Variants in OSBPL10 observed in about 807,000 individuals in gnomAD.
The protein encoded by OSBPL10 is oxysterol-binding protein-related protein 10.
Under a neutral mutation model 81.7 loss-of-function variants are expected in OSBPL10, and 49 were observed. The observed-to-expected ratio is 0.60, with a 90% CI of 0.48 to 0.76. The LOEUF is 0.76. OSBPL10 is among the 30% of genes least tolerant of loss of function. OSBPL10 has a pLI of 0.00. For synonymous variants in OSBPL10, 419 were observed against 383.6 expected, an observed-to-expected ratio of 1.09 and a Z score of -1.08; for missense variants, 923 against 987.8, an observed-to-expected ratio of 0.93 and a Z score of 0.88.
chr3:31,937,353 C>A (rs1249278585), intron 1 of OSBPL10, among the ~76,000 whole-genome samples: 1 of 152,000 alleles, frequency 6.6e-6, no homozygotes, highest in Non-Finnish European at 1.5e-5. Context: ...TTCTTGCCAA[C>A]TCTTGGTTAT....
intron 1 of OSBPL10, among the ~76,000 whole-genome samples, chr3:31,896,853 G>A (rs1311680668): frequency 6.6e-6 from 1 of 152,172 alleles, no homozygotes; most frequent in African/African-American, 2.4e-5. Context: ...CTTGGAGGGA[G>A]GGGAGGAAAG....
At chr3:31,839,750 A>G (rs1203435797) in intron 3 of OSBPL10, among the ~76,000 whole-genome samples, 1 of 151,532 alleles carries the variant, frequency 6.6e-6, no homozygotes, top group African/African-American at 2.4e-5. Flanking sequence ...AGCAAAGCAT[A>G]GAGCAATATG....
At chr3:31,716,948 C>G (rs911912854) in intron 6 of OSBPL10, 1 of 152,146 alleles carries the variant, frequency 6.6e-6, no homozygotes, top group African/African-American at 2.4e-5. Context: ...AAATAACACT[C>G]TCCAATGGAA....
At chr3:31,993,455 G>A (rs1420158211) in intron 2 of OSBPL10, among the ~76,000 whole-genome samples, 4 of 151,898 alleles carry the variant, frequency 2.6e-5, no homozygotes, top group South Asian at 2.1e-4. Flanking sequence ...TGATCCACCC[G>A]CCTCGGCCTC....
At chr3:31,863,263 G>A (rs1387860170) in intron 3 of OSBPL10, among the ~76,000 whole-genome samples, 1 of 152,148 alleles carries the variant, frequency 6.6e-6, no homozygotes, top group Admixed American at 6.6e-5. Context: ...TGGGAAGACA[G>A]GGTGGATAGA....
intron 2 of OSBPL10, among the ~76,000 whole-genome samples, chr3:32,017,192 G>A (rs970679030): frequency 6.6e-6 from 1 of 152,126 alleles, no homozygotes; most frequent in African/African-American, 2.4e-5. Flanking sequence ...TGAGCTTCTG[G>A]AAACGCTACG....
chr3:31,952,767 C>A (rs892221894), intron 1 of OSBPL10, among the ~76,000 whole-genome samples: 3 of 152,030 alleles, frequency 2.0e-5, no homozygotes, highest in African/African-American at 7.2e-5. Flanking sequence ...ACCTGCCCGC[C>A]TTGTGTGGTT....
At chr3:31,855,866 G>C (rs1360652987) in intron 3 of OSBPL10, among the ~76,000 whole-genome samples, 1 of 151,970 alleles carries the variant, frequency 6.6e-6, no homozygotes, top group African/African-American at 2.4e-5. Context: ...TTCTCACAGA[G>C]GGCTAGCGAT....
chr3:31,702,797 A>G (rs1384235923), intron 6 of OSBPL10, among the ~76,000 whole-genome samples: 1 of 152,260 alleles, frequency 6.6e-6, no homozygotes. Context: ...TAACTATAGT[A>G]TATGGGTATG....
chr3:31,694,841 G>A (rs974775601), intron 7 of OSBPL10, among the ~76,000 whole-genome samples: 4 of 152,072 alleles, frequency 2.6e-5, no homozygotes, highest in South Asian at 2.1e-4. Context: ...TGCAACCTCC[G>A]CCTCCAAGGT....
chr3:31,804,737 AC>A (rs1699481136), intron 4 of OSBPL10, among the ~76,000 whole-genome samples: 2 of 152,236 alleles, frequency 1.3e-5, no homozygotes, highest in Non-Finnish European at 1.5e-5. Flanking sequence ...CTGACTGCCA[AC>A]AGCAATAAAC....
intron 3 of OSBPL10, among the ~76,000 whole-genome samples, chr3:31,845,751 T>A (rs137982535): frequency 1.2e-3 from 177 of 152,288 alleles, no homozygotes; most frequent in African/African-American, 4.2e-3. Context: ...CTGCTCTGCA[T>A]GACCCAGAGA....
At chr3:31,843,307 T>G (rs1700546955) in intron 3 of OSBPL10, among the ~76,000 whole-genome samples, 3 of 152,218 alleles carry the variant, frequency 2.0e-5, no homozygotes, top group Admixed American at 2.0e-4. Flanking sequence ...TCCCATTACC[T>G]GTGTCTGGGG....
chr3:31,747,979 C>T lies in OSBPL10; in HGVS notation c.871G>A (p.Glu291Lys), dbSNP rs1697582148. ...TSAATLSCLG[E>K]CLNLLQQSVH... is the part of the protein sequence containing the mutation. ...CTCTGCTGTAACAAGTTGAGGCACTCCCCAAGGCAGCTGAGGGTGGCAGCA... is the reference window on the plus strand; with the variant it reads ...CTCTGCTGTAACAAGTTGAGGCACTTCCCAAGGCAGCTGAGGGTGGCAGCA... The change falls in exon 5 of 12, where the codon GAG (glutamate) becomes AAG (lysine). Residue 291 changes from glutamate (E) to lysine (K), a missense_variant. Transcript: ENST00000396556. 18 of 1,614,158 alleles carry T rather than the reference C, an allele frequency of 1.1e-5. No homozygotes were observed. The highest frequency in any genetic ancestry group is 2.2e-5 in the East Asian group (1 of 44,874).
chr3:31,697,910 C>G (rs1161594172), intron 7 of OSBPL10, among the ~76,000 whole-genome samples: 1 of 151,868 alleles, frequency 6.6e-6, no homozygotes, highest in African/African-American at 2.4e-5. Flanking sequence ...TTACAGGCAC[C>G]CACCACCACG....
At chr3:32,054,526 C>CTTTGTTTT (rs1699692324) in intron 1 of OSBPL10, among the ~76,000 whole-genome samples, 1 of 86,602 alleles carries the variant, frequency 1.2e-5, no homozygotes, top group Non-Finnish European at 2.0e-5. Flanking sequence ...TCAATGGTGG[C>CTTTGTTTT]TTTTTTTTTT....
chr3:32,070,515 T>G (rs1699821276), intron 1 of OSBPL10, among the ~76,000 whole-genome samples: 1 of 152,050 alleles, frequency 6.6e-6, no homozygotes, highest in African/African-American at 2.4e-5. Flanking sequence ...ACACCTCCAC[T>G]CCCTCCCTGG....
chr3:31,917,641 G>T (rs1328176549), intron 1 of OSBPL10, among the ~76,000 whole-genome samples: 1 of 149,132 alleles, frequency 6.7e-6, no homozygotes, highest in African/African-American at 2.5e-5. Flanking sequence ...TAGCTGTTGA[G>T]ATAGGAAGGA....
intron 3 of OSBPL10, among the ~76,000 whole-genome samples, chr3:31,861,206 G>A (rs1701050123): frequency 6.6e-6 from 1 of 152,090 alleles, no homozygotes; most frequent in Non-Finnish European, 1.5e-5. Context: ...AGGAAATTGT[G>A]AAGGCATATA....
Sources: allele counts gnomAD v4.1 joint callset (sites outside exome capture counted in the v4.1 genomes callset), GRCh38; gene constraint gnomAD v4.1.1; transcripts MANE v1.5; gene names NCBI Gene and HGNC (gene_info 2026-07-23, HGNC 2026-07-21).